The following MRPS28 variants were observed in gnomAD, a reference collection of about 807,000 sequenced individuals.
MRPS28 encodes the protein mitochondrial ribosomal protein S28.
A neutral mutation model predicts 10.8 loss-of-function variants in MRPS28; 7 were observed. The observed-to-expected ratio is 0.65, with a 90% CI of 0.37 to 1.22. MRPS28 has a LOEUF of 1.22. Ranked by LOEUF, MRPS28 falls within the 50% of genes most tolerant of loss-of-function variation. MRPS28 has a pLI of 0.02. For missense variants in MRPS28, 265 were observed against 232.9 expected (o/e 1.14, Z -0.90); for synonymous variants, 121 against 93.3 (o/e 1.30, Z -1.71).
intron 2 of MRPS28, among the ~76,000 whole-genome samples, chr8:79,923,809 C>T (rs1173390974): frequency 6.6e-6 from 1 of 152,170 alleles, no homozygotes; most frequent in Admixed American, 6.5e-5. Context: ...TGCACTTTCT[C>T]AGGCCATATG....
At chr8:80,012,470 A>G (rs1372326629) in intron 1 of MRPS28, among the ~76,000 whole-genome samples, 1 of 152,192 alleles carries the variant, frequency 6.6e-6, no homozygotes, top group Non-Finnish European at 1.5e-5. Context: ...TAAAGTCTCT[A>G]AACTAACATT....
In MRPS28 at chr8:79,994,850, A is replaced by T. The variant is rs138440380; in HGVS notation, c.395+8149T>A. Among the ~76,000 whole-genome samples, 554 of 152,132 alleles carry T rather than the reference A, an allele frequency of 3.6e-3. 10 individuals carry two copies. Among genetic ancestry groups the T allele is most frequent in the Admixed American group, 0.032 (481 of 15,268 alleles). ...CCCACTCTCCCATCACTCCTCCTAA[A>T]CTTAAGCCAACTAAACCACTTGAAT... is the stretch of plus-strand genomic sequence containing the variant. On this transcript the variant is annotated intron_variant, in intron 2 of 2. Transcript: ENST00000276585.
intron 2 of MRPS28, among the ~76,000 whole-genome samples, chr8:79,947,085 A>C (rs749656489): frequency 8.5e-5 from 13 of 152,234 alleles, no homozygotes; most frequent in Non-Finnish European, 1.9e-4. Context: ...AAATGTAGTA[A>C]GGTGACTGGA....
intron 2 of MRPS28, among the ~76,000 whole-genome samples, chr8:79,993,427 TC>T (rs1808418061): frequency 1.3e-5 from 2 of 152,060 alleles, no homozygotes; most frequent in South Asian, 4.1e-4. Context: ...TAAAACAGAA[TC>T]CCATTGAACA....
chr8:80,018,153 C>T (rs568346362), intron 1 of MRPS28, among the ~76,000 whole-genome samples: 1 of 151,976 alleles, frequency 6.6e-6, no homozygotes, highest in East Asian at 1.9e-4. Flanking sequence ...ACTAGCAGGG[C>T]ATGGTGGCAG....
chr8:79,936,979 G>C (rs754049277), intron 2 of MRPS28, among the ~76,000 whole-genome samples: 1 of 152,084 alleles, frequency 6.6e-6, no homozygotes, highest in Non-Finnish European at 1.5e-5. Flanking sequence ...TCCCACCTCA[G>C]CCTCCCAAGT....
chr8:79,996,026 T>C (rs745591614), intron 2 of MRPS28, among the ~76,000 whole-genome samples: 1 of 152,172 alleles, frequency 6.6e-6, no homozygotes, highest in Non-Finnish European at 1.5e-5. Flanking sequence ...AATATAGAAA[T>C]TAATGTTTAT....
chr8:79,990,263 T>C (rs1490392877), intron 2 of MRPS28, among the ~76,000 whole-genome samples: 2 of 152,128 alleles, frequency 1.3e-5, no homozygotes, highest in African/African-American at 4.8e-5. Context: ...GTGACCTCTA[T>C]TTTTCTAGTC....
At chr8:79,945,898 T>C (rs1806902434) in intron 2 of MRPS28, among the ~76,000 whole-genome samples, 2 of 152,176 alleles carry the variant, frequency 1.3e-5, no homozygotes, top group Admixed American at 6.5e-5. Flanking sequence ...CCAAATACTA[T>C]TTTAAGTTGT....
intron 1 of MRPS28, among the ~76,000 whole-genome samples, chr8:80,008,396 T>C (rs929854089): frequency 6.6e-6 from 1 of 152,038 alleles, no homozygotes; most frequent in African/African-American, 2.4e-5. Flanking sequence ...CCAAAAGCAA[T>C]GGCAACAAAA....
chr8:79,945,635 T>A (rs774776945), intron 2 of MRPS28, among the ~76,000 whole-genome samples: 2 of 152,186 alleles, frequency 1.3e-5, no homozygotes, highest in Non-Finnish European at 2.9e-5. Context: ...AATGGTAAGT[T>A]TTATATGTAT....
intron 2 of MRPS28, among the ~76,000 whole-genome samples, chr8:79,972,273 C>T (rs945735990): frequency 1.1e-4 from 16 of 152,104 alleles, no homozygotes; most frequent in African/African-American, 3.4e-4. Context: ...AAGCACTATG[C>T]CATTTTATTA....
intron 2 of MRPS28, among the ~76,000 whole-genome samples, chr8:79,948,034 C>CTGGA (rs930044099): frequency 6.7e-6 from 1 of 150,270 alleles, no homozygotes; most frequent in Non-Finnish European, 1.5e-5. Context: ...GTCACCCAGG[C>CTGGA]TGGAGTGCAG....
In MRPS28 at chr8:79,919,141, G is replaced by A. The variant is rs760464647; in HGVS notation, c.403C>T (p.Gln135Ter). Reference protein sequence around the residue: ...RRPEVDGEKYQKGTRVRLRLL... With the variant: ...RRPEVDGEKY ...CGCAACCGGACCCTGGTTCCTTTCT[G>A]GTATTTCCTAAATAGTTAAAAAAAA... Residue 135 changes from glutamine to a stop codon, truncating the protein, a stop_gained, in exon 3 of 3, where the codon CAG (glutamine) becomes TAG (stop). Coordinates refer to ENST00000276585, the MANE Select transcript of MRPS28 (RefSeq NM_014018.3). LOFTEE classifies it high-confidence loss of function. The A allele has an allele frequency of 2.2e-5, 34 of 1,573,202 alleles. No homozygotes were observed. Among genetic ancestry groups the A allele is most frequent in the Non-Finnish European group, 2.9e-5 (34 of 1,166,848 alleles).
At chr8:79,971,800 C>A (rs1471140549) in intron 2 of MRPS28, among the ~76,000 whole-genome samples, 1 of 152,140 alleles carries the variant, frequency 6.6e-6, no homozygotes, top group Non-Finnish European at 1.5e-5. Context: ...TGGGTTCAAG[C>A]AATCCTCCTG....
intron 1 of MRPS28, among the ~76,000 whole-genome samples, chr8:80,006,221 C>T (rs948405322): frequency 1.1e-4 from 16 of 152,148 alleles, no homozygotes; most frequent in Non-Finnish European, 1.8e-4. Flanking sequence ...CCAAAATTGA[C>T]CACGTAGTTG....
At chr8:80,028,307 G>C (rs1414041028) in intron 1 of MRPS28, among the ~76,000 whole-genome samples, 1 of 151,988 alleles carries the variant, frequency 6.6e-6, no homozygotes, top group Non-Finnish European at 1.5e-5. Context: ...ACATATATTT[G>C]GAAGGGAGCA....
chr8:79,966,252 T>C (rs1563528393), intron 2 of MRPS28, among the ~76,000 whole-genome samples: 1 of 152,068 alleles, frequency 6.6e-6, no homozygotes, highest in South Asian at 2.1e-4. Flanking sequence ...TTTAACATTA[T>C]AGATATATAA....
intron 2 of MRPS28, among the ~76,000 whole-genome samples, chr8:79,986,486 T>C (rs959758661): frequency 6.6e-6 from 1 of 152,204 alleles, no homozygotes; most frequent in Non-Finnish European, 1.5e-5. Context: ...AGTCAACTTG[T>C]CCCTGTTTGC....
Sources: allele counts gnomAD v4.1 joint callset (sites outside exome capture counted in the v4.1 genomes callset), GRCh38; gene constraint gnomAD v4.1.1; transcripts MANE v1.5; gene names NCBI Gene and HGNC (gene_info 2026-07-23, HGNC 2026-07-21).